Variants in NT5C3B observed in about 807,000 individuals in gnomAD.
NT5C3B encodes 5'-nucleotidase, cytosolic IIIB.
NT5C3B carries 28 observed loss-of-function variants against 32.5 expected under a neutral mutation model. That is an observed-to-expected ratio of 0.86 (90% confidence interval 0.64 to 1.18). NT5C3B has a LOEUF of 1.18. Among genes scored for constraint, NT5C3B ranks in the 50% most tolerant of loss-of-function variants. The pLI is 0.00. For synonymous variants in NT5C3B, 138 were observed against 118.0 expected, an observed-to-expected ratio of 1.17 and a Z score of -1.10; for missense variants, 317 against 322.0, an observed-to-expected ratio of 0.98 and a Z score of 0.12.
At chr17:41,827,379 A>G (rs782608636) in intron 8 of NT5C3B, 47 bp downstream of exon 8, 2 of 830,972 alleles carry the variant, frequency 2.4e-6, no homozygotes, top group South Asian at 2.7e-5. Flanking sequence ...ATGGGCATTC[A>G]AAGAGAAGAA....
chr17:41,835,750 G>T, intron 2 of NT5C3B, 109 bp downstream of exon 2: 1 of 1,133,118 alleles, frequency 8.8e-7, no homozygotes. Context: ...ATTTCTTGGG[G>T]CAGAGAGCTA....
chr17:41,827,196 C>T (rs1430166716), intron 8 of NT5C3B, among the ~76,000 whole-genome samples: 1 of 151,766 alleles, frequency 6.6e-6, no homozygotes, highest in Non-Finnish European at 1.5e-5. Flanking sequence ...GTCCCAGCTA[C>T]TTGGGAGCCA....
intron 1 of NT5C3B, 70 bp downstream of exon 1, chr17:41,836,112 G>C (rs1017413116): frequency 1.5e-6 from 2 of 1,333,380 alleles, no homozygotes; most frequent in African/African-American, 1.5e-5. Context: ...GTGACCAGCT[G>C]GGGGGCTCGA....
chr17:41,830,296 G>A (rs1191947799), intron 6 of NT5C3B, among the ~76,000 whole-genome samples: 2 of 152,340 alleles, frequency 1.3e-5, no homozygotes, highest in East Asian at 1.9e-4. Flanking sequence ...GGATCACAAG[G>A]TCAAGAGATT....
chr17:41,833,387 G>A (rs1343818007), intron 4 of NT5C3B, among the ~76,000 whole-genome samples: 1 of 152,068 alleles, frequency 6.6e-6, no homozygotes, highest in Non-Finnish European at 1.5e-5. Context: ...CGCAATCTCG[G>A]CTCACTGCAA....
At chr17:41,830,695 G>A (rs1377171109) in intron 6 of NT5C3B, 106 bp downstream of exon 6, 7 of 780,194 alleles carry the variant, frequency 9.0e-6, no homozygotes, top group East Asian at 7.4e-5. Context: ...TGTCCCTTCC[G>A]GTCCTTTAAG....
chr17:41,833,152 T>C (rs1555619275), intron 4 of NT5C3B, among the ~76,000 whole-genome samples: 5 of 152,174 alleles, frequency 3.3e-5, no homozygotes, highest in Non-Finnish European at 7.3e-5. Context: ...TAAGATTTTT[T>C]TGCTGTTATT....
Position 41,836,186 on chromosome 17 carries a change from T to C in NT5C3B, c.8A>G (p.Glu3Gly). The change falls in exon 1 of 9, where the codon GAG becomes GGG. Residue 3 changes from glutamate to glycine, a missense_variant. Coordinates refer to ENST00000435506, the MANE Select transcript of NT5C3B (RefSeq NM_052935.5). ...GGACGCTTCCTCCCTCCTCACCTCC[T>C]CTGCCATCCCGTTCGAGGCCTGGTC... The part of the protein sequence containing the change: MA[E>G]EVSTLMKATV... The C allele has an allele frequency of 7.9e-7, 1 of 1,260,074 alleles. No individual in the cohort carries two copies. Among genetic ancestry groups the C allele is most frequent in the East Asian group, 3.1e-5 (1 of 31,748 alleles). The allele number at this position is 1,260,074 out of a possible 1,614,324, so 78.1% of individuals were successfully genotyped here.
At position 41,836,189 on chromosome 17, in the gene NT5C3B, G is replaced by T; in HGVS notation, c.5C>A (p.Ala2Glu). M[A>E]EEVSTLMKAT... Reference sequence around the variant, plus strand: ...CGCTTCCTCCCTCCTCACCTCCTCTGCCATCCCGTTCGAGGCCTGGTCGGC... The same window carrying T: ...CGCTTCCTCCCTCCTCACCTCCTCTTCCATCCCGTTCGAGGCCTGGTCGGC... The change falls in exon 1 of 9, where the codon GCA (alanine) becomes GAA (glutamate). Residue 2 changes from alanine to glutamate, a missense_variant. Ala to Glu is a moderately radical substitution (Grantham distance 107). Transcript: ENST00000435506. The T allele has an allele frequency of 3.2e-6, 4 of 1,259,534 alleles. No individual in the cohort carries two copies. The highest frequency in any genetic ancestry group is 4.0e-6 in the Non-Finnish European group (4 of 1,004,990). The allele number at this position is 1,259,534 out of a possible 1,614,324, so 78.0% of individuals were successfully genotyped here. A position where few individuals can be genotyped will look rare whatever the true frequency, so the allele number is the denominator to read the frequency against.
chr17:41,829,277 C>T (rs552327509), intron 6 of NT5C3B, among the ~76,000 whole-genome samples: 1 of 152,326 alleles, frequency 6.6e-6, no homozygotes, highest in African/African-American at 2.4e-5. Context: ...CCACCCTGGC[C>T]TCCCAAAGTG....
At chr17:41,828,999 GTTCT>G (rs1254275493) in intron 6 of NT5C3B, 47 bp from the exon 7 acceptor site, 5 of 1,544,216 alleles carry the variant, frequency 3.2e-6, no homozygotes, top group African/African-American at 1.4e-5. Context: ...CTCTACTGCT[GTTCT>G]TTGTTTCCTA....
At chr17:41,833,929 G>A (rs1255585226) in intron 4 of NT5C3B, among the ~76,000 whole-genome samples, 2 of 152,152 alleles carry the variant, frequency 1.3e-5, no homozygotes, top group African/African-American at 2.4e-5. Flanking sequence ...AATTGACCAA[G>A]TAAAGAATTT....
intron 4 of NT5C3B, among the ~76,000 whole-genome samples, chr17:41,833,047 T>C (rs572668016): frequency 6.6e-6 from 1 of 152,314 alleles, no homozygotes; most frequent in East Asian, 1.9e-4. Flanking sequence ...AGGGAGCACC[T>C]GGATCCACAG....
chr17:41,828,168 C>T (rs1241054608), intron 7 of NT5C3B, among the ~76,000 whole-genome samples: 1 of 152,116 alleles, frequency 6.6e-6, no homozygotes, highest in African/African-American at 2.4e-5. Flanking sequence ...GAGCAGCCCA[C>T]CTCTGGCTTG....
Position 41,835,116 on chromosome 17 carries a change from T to A in NT5C3B, c.182A>T (p.Asn61Ile). 6.2e-7 allele frequency: 1 copy of A among 1,614,168 alleles called. No individual in the cohort carries two copies. The change falls in exon 4 of 9, where the codon AAT becomes ATT. Residue 61 changes from asparagine (N) to isoleucine (I), a missense_variant and splice_region_variant. Coordinates refer to ENST00000435506, the MANE Select transcript of NT5C3B (RefSeq NM_052935.5). ...YNGKRCPSSY[N>I]ILDNSKIISE... ...GATGATCTTGCTATTATCCAGAATA[T>A]CTGGAAAAAGAGAAAACTCCTTTTA...
chr17:41,831,321 A>C (rs1333894928), intron 5 of NT5C3B, among the ~76,000 whole-genome samples: 1 of 9,178 alleles, frequency 1.1e-4, no homozygotes, highest in African/African-American at 3.9e-4. Context: ...CTCCATCTCA[A>C]AAAAAAAAAA....
At position 41,835,905 on chromosome 17, in the gene NT5C3B, T is replaced by C; in HGVS notation, c.65A>G (p.Gln22Arg). The C allele has an allele frequency of 6.2e-7, 1 of 1,608,650 alleles. No individual in the cohort carries two copies. The highest frequency in any genetic ancestry group is 8.5e-7 in the Non-Finnish European group (1 of 1,178,426). ...TVLMRQPGRV[Q>R]EIVGALRKGG... is the part of the protein sequence containing the mutation. ...CTTGCGGAGGGCGCCCACGATCTCC[T>C]GCACCCGCCCAGGCTGCCGCATCAG... Residue 22 changes from glutamine (Q) to arginine (R), a missense_variant, in exon 2 of 9, where the codon CAG (glutamine) becomes CGG (arginine). Gln to Arg is a conservative substitution (Grantham distance 43). Coordinates refer to ENST00000435506, the MANE Select transcript of NT5C3B (RefSeq NM_052935.5).
rs536306177 is a variant in NT5C3B at position 41,827,521 on chromosome 17, C to T, written c.673G>A (p.Val225Ile). ...YFQQLEGKTN[V>I]ILLGDSIGDL... ...CCGATAGAGTCTCCCAGCAGGATGACATTGGTTTTGCCCTCAAGTTGCTGG... is the reference window on the plus strand; with the variant it reads ...CCGATAGAGTCTCCCAGCAGGATGATATTGGTTTTGCCCTCAAGTTGCTGG... Residue 225 changes from valine to isoleucine, a missense_variant, in exon 8 of 9, where the codon GTC becomes ATC. Physicochemically the swap from Val to Ile is conservative, Grantham distance 29. Transcript: ENST00000435506. 4 of 872,974 alleles carry T rather than the reference C, an allele frequency of 4.6e-6. No homozygotes were observed. The East Asian group carries it at 7.2e-5, about 16-fold the overall frequency. The allele number at this position is 872,974 out of a possible 1,614,324, so 54.1% of individuals were successfully genotyped here.
chr17:41,835,397 G>A, intron 2 of NT5C3B, 125 bp from the exon 3 acceptor site: 1 of 789,140 alleles, frequency 1.3e-6, no homozygotes. Flanking sequence ...CAAAGCCCTA[G>A]GGGAGTTACC....
Sources: gnomAD v4.1 joint callset for allele counts (sites outside exome capture counted in the v4.1 genomes callset) on GRCh38, gnomAD v4.1.1 for gene constraint, MANE v1.5 for transcripts, NCBI Gene and HGNC (gene_info 2026-07-23, HGNC 2026-07-21) for gene names.